ZNF112: variants seen among roughly 807,000 people sequenced by gnomAD.
ZNF112 encodes the protein zinc finger protein 112.
Under a neutral mutation model 77.7 loss-of-function variants are expected in ZNF112, and 37 were observed. The observed-to-expected ratio is 0.48, with a 90% confidence interval of 0.37 to 0.63. ZNF112 has a LOEUF of 0.63. ZNF112 is among the 20% of genes least tolerant of loss of function. The pLI is 0.00. For missense variants in ZNF112, 950 were observed against 1,077.4 expected (o/e 0.88, Z 1.66); for synonymous variants, 333 against 363.6 (o/e 0.92, Z 0.96).
intron 1 of ZNF112, among the ~76,000 whole-genome samples, chr19:44,362,816 G>C (rs114503939): frequency 6.6e-6 from 1 of 151,938 alleles, no homozygotes; most frequent in African/African-American, 2.4e-5. Context: ...CTCCCCTGCC[G>C]CATCAGTAAC....
Position 44,328,577 on chromosome 19 carries a change from C to T in ZNF112, c.1580G>A (p.Gly527Asp). The change falls in exon 4 of 4, where the codon GGT becomes GAT. Residue 527 changes from glycine to aspartate, a missense_variant. Transcript: ENST00000354340. ...ATTCAGAACTGATCTATGATTGAAA[C>T]CTTTGCCGCATATATTGCATTTGTA... ...KPYKCNICGK[G>D]FNHRSVLNVH... 1 of 1,611,706 alleles carries T rather than the reference C, an allele frequency of 6.2e-7. No individual in the cohort carries two copies. The highest frequency in any genetic ancestry group is 8.5e-7 in the Non-Finnish European group (1 of 1,178,506).
rs773528576 is a variant in ZNF112, at chr19:44,336,637, C to A, written c.206G>T (p.Arg69Ile). 3 of 1,613,816 alleles carry A rather than the reference C, an allele frequency of 1.9e-6. No individual in the cohort carries two copies. The highest frequency in any genetic ancestry group is 2.5e-6 in the Non-Finnish European group (3 of 1,179,852). The change falls in exon 3 of 4, where the codon AGA becomes ATA. Residue 69 changes from arginine to isoleucine, a missense_variant. Physicochemically the swap from Arg to Ile is moderately conservative, Grantham distance 97. Coordinates refer to ENST00000354340, the MANE Select transcript of ZNF112 (RefSeq NM_013380.4). The stretch of plus-strand genomic sequence containing the variant: ...ACAGTTCTCACCTGAACATCCATCT[C>A]TTGGGGTTTCTGTCTCCACCATCAA... Reference protein sequence around the residue: ...KLLMVETETPRDGCSGRKNQQ... With the variant: ...KLLMVETETPIDGCSGRKNQQ...
chr19:44,353,370 A>G (rs980440943), intron 1 of ZNF112, among the ~76,000 whole-genome samples: 3 of 152,096 alleles, frequency 2.0e-5, no homozygotes, highest in African/African-American at 7.2e-5. Flanking sequence ...AGCACAATCC[A>G]AAAAAGATAA....
rs1284534287 is a variant in ZNF112 at position 44,328,816 on chromosome 19, A to G, written c.1341T>C (p.Ser447=). The stretch of plus-strand genomic sequence containing the variant: ...GAAGGTCCTGAAAATGTGAGGCCAG[A>G]CTGAAGCCATTACCACACTCCTCAG... ...YNSEECGNGF[S]LASHFQDLQI... Residue 447 remains serine, a synonymous_variant, in exon 4 of 4, where the codon AGT becomes AGC. Transcript: ENST00000354340. 15 of 1,614,048 alleles carry G rather than the reference A, an allele frequency of 9.3e-6. No homozygotes were observed. Among genetic ancestry groups the G allele is most frequent in the Admixed American group, 3.3e-5 (2 of 59,996 alleles).
Position 44,327,495 on chromosome 19 carries a change from A to G in ZNF112, c.2662T>C (p.Tyr888His), listed in dbSNP as rs764835212. The stretch of plus-strand genomic sequence containing the variant: ...TCTGATGAAGGGTAGTCCTTACCAT[A>G]GTCTTCGCTTTTATAGAATTTATCA... ...SSDKFYKSED[Y>H]GKDYPSSENL... is the part of the protein sequence containing the mutation. The change falls in exon 4 of 4, where the codon TAT becomes CAT. Residue 888 changes from tyrosine to histidine, a missense_variant. By Grantham distance (83) the Tyr-to-His change is moderately conservative (BLOSUM62 2). Around this residue, in one of 3 missense-constraint regions of ZNF112, gnomAD observed 373 missense variants for 482.8 expected, o/e 0.77. Transcript: ENST00000354340. The G allele has an allele frequency of 1.1e-5, 17 of 1,613,874 alleles. 1 individual carries two copies. In the South Asian group the frequency reaches 1.8e-4, roughly 17 times the overall value.
At chr19:44,344,874 A>C (rs1970559341) in intron 1 of ZNF112, among the ~76,000 whole-genome samples, 1 of 152,168 alleles carries the variant, frequency 6.6e-6, no homozygotes, top group African/African-American at 2.4e-5. Flanking sequence ...ATGTAAGAAG[A>C]CCAACTCACA....
chr19:44,352,933 T>A (rs1970719198), intron 1 of ZNF112, among the ~76,000 whole-genome samples: 1 of 152,002 alleles, frequency 6.6e-6, no homozygotes, highest in African/African-American at 2.4e-5. Flanking sequence ...TTTTACATAA[T>A]GTCAATGAAA....
chr19:44,357,464 C>T (rs775090640), upstream of ZNF112, among the ~76,000 whole-genome samples: 20 of 152,272 alleles, frequency 1.3e-4, no homozygotes, highest in Non-Finnish European at 2.4e-4. Flanking sequence ...GACTCGATTA[C>T]CTTTTTATTC....
chr19:44,360,803 G>A (rs1477137843), upstream of ZNF112, among the ~76,000 whole-genome samples: 1 of 152,080 alleles, frequency 6.6e-6, no homozygotes, highest in East Asian at 1.9e-4. Context: ...TCTAAGGCTG[G>A]TGGATTGTAG....
At position 44,327,860 on chromosome 19, in the gene ZNF112, G is replaced by C. The variant is rs894531116; in HGVS notation, c.2297C>G (p.Thr766Arg). 6.2e-7 allele frequency: 1 copy of C among 1,613,944 alleles called. No homozygotes were observed. Among genetic ancestry groups the C allele is most frequent in the African/African-American group, 1.3e-5 (1 of 75,008 alleles). Residue 766 changes from threonine to arginine, a missense_variant, in exon 4 of 4, where the codon ACA becomes AGA. Around this residue, in one of 3 missense-constraint regions of ZNF112, gnomAD observed 373 missense variants for 482.8 expected, o/e 0.77. Transcript: ENST00000354340. ...CTCACATTTGTATGGTTTCCCTCCTGTGTGAACCCTCCGATGTGCTTCAAG... is the reference window on the plus strand; with the variant it reads ...CTCACATTTGTATGGTTTCCCTCCTCTGTGAACCCTCCGATGTGCTTCAAG... Reference protein sequence around the residue: ...SRLEAHRRVHTGGKPYKCEVC... With the variant: ...SRLEAHRRVHRGGKPYKCEVC...
At chr19:44,348,543 CA>C (rs1344151060) in intron 1 of ZNF112, among the ~76,000 whole-genome samples, 1 of 151,856 alleles carries the variant, frequency 6.6e-6, no homozygotes, top group Non-Finnish European at 1.5e-5. Flanking sequence ...CCTAAGAATT[CA>C]AATCAAAGTA....
In ZNF112 at chr19:44,329,724, T is replaced by A; in HGVS notation, c.433A>T (p.Ile145Phe). ...AATATATAGTTCTTATCTTCAGAAATCTGAACTGGTATTCCTGCCCAAACC... is the reference window on the plus strand; with the variant it reads ...AATATATAGTTCTTATCTTCAGAAAACTGAACTGGTATTCCTGCCCAAACC... Reference protein sequence around the residue: ...GQVWAGIPVQISEDKNYIFTH... With the variant: ...GQVWAGIPVQFSEDKNYIFTH... The change falls in exon 4 of 4, where the codon ATT becomes TTT. Residue 145 changes from isoleucine to phenylalanine, a missense_variant. Coordinates refer to ENST00000354340, the MANE Select transcript of ZNF112 (RefSeq NM_013380.4). 6.2e-7 allele frequency: 1 copy of A among 1,614,108 alleles called. No homozygotes were observed. The highest frequency in any genetic ancestry group is 8.5e-7 in the Non-Finnish European group (1 of 1,180,012).
At chr19:44,364,111 T>C (rs1379062422) in intron 1 of ZNF112, among the ~76,000 whole-genome samples, 1 of 152,174 alleles carries the variant, frequency 6.6e-6, no homozygotes, top group African/African-American at 2.4e-5. Flanking sequence ...GGTTTCTCCA[T>C]GTTGGCCAGG....
rs1329839655 is a variant in ZNF112, at chr19:44,328,234, A to G, written c.1923T>C (p.Ser641=). ...FKCEECGKGF[S]WSFNLQIHQR... ...GATGAATTTGAAGATTAAAGCTCCA[A>G]CTGAACCCCTTCCCACATTCCTCAC... The change falls in exon 4 of 4, where the codon AGT becomes AGC. Residue 641 remains serine, a synonymous_variant. Transcript: ENST00000354340. 1.2e-6 allele frequency: 2 copies of G among 1,614,002 alleles called. No individual in the cohort carries two copies. Among genetic ancestry groups the G allele is most frequent in the Non-Finnish European group, 8.5e-7 (1 of 1,179,970 alleles).
chr19:44,356,738 G>A (rs1970794579), upstream of ZNF112: 2 of 151,908 alleles, frequency 1.3e-5, no homozygotes, highest in African/African-American at 4.8e-5. Flanking sequence ...TCAGGGAGAC[G>A]GCCTCAGCCT....
At chr19:44,336,891 T>A (rs1408988861) in intron 2 of ZNF112, among the ~76,000 whole-genome samples, 173 bp from the exon 3 acceptor site, 3 of 149,296 alleles carry the variant, frequency 2.0e-5, no homozygotes, top group Non-Finnish European at 1.5e-5. Flanking sequence ...TTTTTTTTTT[T>A]AAATAGGCTC....
At chr19:44,343,264 G>T in intron 1 of ZNF112, 1 of 1,613,594 alleles carries the variant, frequency 6.2e-7, no homozygotes, top group Non-Finnish European at 8.5e-7. Context: ...CTGGAATTTG[G>T]TCATTTTTCT....
At chr19:44,333,766 T>A (rs1970313797) in intron 3 of ZNF112, among the ~76,000 whole-genome samples, 1 of 152,232 alleles carries the variant, frequency 6.6e-6, no homozygotes, top group African/African-American at 2.4e-5. Context: ...ATGAGTCAAT[T>A]AAACCTCTTT....
At chr19:44,337,636 C>T (rs1970406093) in intron 2 of ZNF112, among the ~76,000 whole-genome samples, 1 of 149,510 alleles carries the variant, frequency 6.7e-6, no homozygotes, top group Non-Finnish European at 1.5e-5. Context: ...TGCATTCTTC[C>T]TTTCAACGCA....
Sources: gnomAD v4.1 joint callset for allele counts (sites outside exome capture counted in the v4.1 genomes callset) on GRCh38, gnomAD v4.1.1 for gene constraint, gnomAD v4.1.1 regional missense constraint, MANE v1.5 for transcripts, NCBI Gene and HGNC (gene_info 2026-07-23, HGNC 2026-07-21) for gene names.